LEPR: variants seen among roughly 807,000 people sequenced by gnomAD.
The protein encoded by LEPR is OB receptor.
Under a neutral mutation model 114.7 loss-of-function variants are expected in LEPR, and 56 were observed. The observed-to-expected ratio is 0.49, with a 90% CI of 0.39 to 0.61. The LOEUF is 0.61. LEPR is among the 20% of genes least tolerant of loss of function. The probability of loss-of-function intolerance (pLI) is 0.00; values close to 1 mark genes in which losing one functional copy is unlikely to be tolerated. For synonymous variants in LEPR, 443 were observed against 461.4 expected, an observed-to-expected ratio of 0.96 and a Z score of 0.51; for missense variants, 1,202 against 1,352.9, an observed-to-expected ratio of 0.89 and a Z score of 1.75.
chr1:65,422,234 G>T (rs1646265210), intron 1 of LEPR, among the ~76,000 whole-genome samples: 2 of 152,202 alleles, frequency 1.3e-5, no homozygotes, highest in Admixed American at 6.5e-5. Flanking sequence ...CTTATAAGAA[G>T]AGGGGAATTT....
intron 1 of LEPR, among the ~76,000 whole-genome samples, chr1:65,423,372 A>G (rs1646291204): frequency 6.6e-6 from 1 of 152,128 alleles, no homozygotes; most frequent in Non-Finnish European, 1.5e-5. Context: ...CTGAAAAAAG[A>G]GGAAAAAAAA....
intron 2 of LEPR, chr1:65,434,212 CATT>C (rs1360208765): frequency 2.0e-6 from 2 of 980,530 alleles, no homozygotes; most frequent in African/African-American, 1.8e-5. Flanking sequence ...GCCTAAATAT[CATT>C]TAAACAGTAA....
chr1:65,500,592 T>C (rs1648395605), intron 2 of LEPR, among the ~76,000 whole-genome samples: 2 of 152,182 alleles, frequency 1.3e-5, no homozygotes, highest in African/African-American at 4.8e-5. Context: ...AAATATATTT[T>C]GTCTAACTTA....
chr1:65,497,895 G>A (rs1471608313), intron 2 of LEPR, among the ~76,000 whole-genome samples: 1 of 152,066 alleles, frequency 6.6e-6, no homozygotes, highest in Non-Finnish European at 1.5e-5. Context: ...TCAGTGCTTA[G>A]CAATCATATG....
intron 2 of LEPR, among the ~76,000 whole-genome samples, chr1:65,440,283 A>G (rs968228096): frequency 1.3e-5 from 2 of 151,984 alleles, no homozygotes; most frequent in African/African-American, 4.8e-5. Flanking sequence ...TGTGCTCAAC[A>G]TAATTATATT....
intron 2 of LEPR, among the ~76,000 whole-genome samples, chr1:65,448,324 T>A (rs1483998808): frequency 6.6e-6 from 1 of 152,250 alleles, no homozygotes; most frequent in Non-Finnish European, 1.5e-5. Context: ...AATTTTACAT[T>A]AATTGATTTT....
chr1:65,586,334 T>G (rs1655315702), intron 5 of LEPR, among the ~76,000 whole-genome samples: 1 of 152,080 alleles, frequency 6.6e-6, no homozygotes, highest in Non-Finnish European at 1.5e-5. Context: ...TGAAATTTGA[T>G]GATATATTTA....
intron 2 of LEPR, among the ~76,000 whole-genome samples, chr1:65,428,645 A>G (rs1182216869): frequency 2.6e-5 from 4 of 152,138 alleles, no homozygotes; most frequent in African/African-American, 9.7e-5. Context: ...TCCTGCTTGT[A>G]GGTGCTGTCT....
At chr1:65,570,941 G>A (rs1654108338) in intron 4 of LEPR, 139 bp downstream of exon 4, 1 of 692,674 alleles carries the variant, frequency 1.4e-6, no homozygotes, top group African/African-American at 1.8e-5. Context: ...GATTCATTAT[G>A]TGAACAAACT....
intron 5 of LEPR, chr1:65,576,921 C>A: frequency 5.6e-6 from 2 of 357,878 alleles, no homozygotes; most frequent in East Asian, 8.4e-5. Context: ...ATCATACTGT[C>A]CAAGTTCCTG....
intron 2 of LEPR, among the ~76,000 whole-genome samples, chr1:65,533,011 A>T (rs570080623): frequency 6.6e-6 from 1 of 152,226 alleles, no homozygotes; most frequent in South Asian, 2.1e-4. Flanking sequence ...AATAAAACTG[A>T]TATTTTAAAA....
intron 19 of LEPR, among the ~76,000 whole-genome samples, chr1:65,629,649 T>TCATC (rs1375368854): frequency 1.3e-5 from 2 of 151,936 alleles, no homozygotes; most frequent in Non-Finnish European, 2.9e-5. Context: ...CTCCATTCTT[T>TCATC]CATCCATTCA....
intron 2 of LEPR, among the ~76,000 whole-genome samples, chr1:65,533,174 G>A (rs1049894004): frequency 2.6e-5 from 4 of 152,132 alleles, no homozygotes; most frequent in Non-Finnish European, 5.9e-5. Flanking sequence ...GAAAAAATTA[G>A]ATGAGATTTA....
chr1:65,435,886 G>T, intron 2 of LEPR: 1 of 983,986 alleles, frequency 1.0e-6, no homozygotes, highest in Non-Finnish European at 1.2e-6. Context: ...CTGAGTAATA[G>T]CTCATAAATT....
At chr1:65,510,578 C>T (rs1648978172) in intron 2 of LEPR, among the ~76,000 whole-genome samples, 1 of 152,166 alleles carries the variant, frequency 6.6e-6, no homozygotes. Context: ...ACTTTATTTA[C>T]CCCATAACCC....
intron 2 of LEPR, among the ~76,000 whole-genome samples, chr1:65,524,563 G>A (rs1163279296): frequency 6.6e-6 from 1 of 152,182 alleles, no homozygotes; most frequent in Non-Finnish European, 1.5e-5. Context: ...AGGGAGCCGG[G>A]AGTCGTCGCT....
chr1:65,591,258 G>C (rs1295042954), intron 5 of LEPR, among the ~76,000 whole-genome samples: 1 of 151,968 alleles, frequency 6.6e-6, no homozygotes, highest in Non-Finnish European at 1.5e-5. Flanking sequence ...GGTCTTCCTT[G>C]GTAAATGCTT....
chr1:65,423,581 C>T (rs1646296972), intron 1 of LEPR, among the ~76,000 whole-genome samples: 1 of 152,128 alleles, frequency 6.6e-6, no homozygotes, highest in Non-Finnish European at 1.5e-5. Context: ...ATTTGCTTTC[C>T]ATCCACACAT....
chr1:65,522,288 T>A (rs1649673099), intron 2 of LEPR, among the ~76,000 whole-genome samples: 1 of 152,100 alleles, frequency 6.6e-6, no homozygotes, highest in Non-Finnish European at 1.5e-5. Context: ...AGTAATTTGG[T>A]TAGGTTAAGA....
Sources: gnomAD v4.1 joint callset for allele counts (sites outside exome capture counted in the v4.1 genomes callset) on GRCh38, gnomAD v4.1.1 for gene constraint, MANE v1.5 for transcripts, NCBI Gene and HGNC (gene_info 2026-07-23, HGNC 2026-07-21) for gene names.